Variants in ZMYND11 observed in about 807,000 individuals in gnomAD.
ZMYND11 encodes the protein zinc finger MYND domain-containing protein 11.
Under a neutral mutation model 84.9 loss-of-function variants are expected in ZMYND11, and 9 were observed. The observed-to-expected ratio is 0.11, with a 90% CI of 0.06 to 0.18. The LOEUF is 0.18. ZMYND11 is among the 10% of genes least tolerant of loss of function. The probability of loss-of-function intolerance (pLI) is 1.00; values close to 1 mark genes in which losing one functional copy is unlikely to be tolerated. For synonymous variants in ZMYND11, 250 were observed against 244.1 expected, an observed-to-expected ratio of 1.02 and a Z score of -0.23; for missense variants, 409 against 761.0, an observed-to-expected ratio of 0.54 and a Z score of 5.44.
intron 1 of ZMYND11, among the ~76,000 whole-genome samples, chr10:157,433 C>G (rs1841977199): frequency 6.6e-6 from 1 of 152,144 alleles, no homozygotes. Context: ...CTCCTGACCT[C>G]AAGTGATCCA....
At chr10:188,394 C>T (rs1939343167) in intron 2 of ZMYND11, among the ~76,000 whole-genome samples, 1 of 151,492 alleles carries the variant, frequency 6.6e-6, no homozygotes, top group Admixed American at 6.6e-5. Context: ...TCAAAACCAG[C>T]CTGGGCAACA....
In ZMYND11 at chr10:240,127, C is replaced by T. The variant is rs919178941; in HGVS notation, c.753+16C>T. On this transcript the variant is annotated intron_variant, in intron 8 of 14. Coordinates refer to ENST00000381604, the MANE Select transcript of ZMYND11 (RefSeq NM_001370100.5). ...ATGTCATGAGGTACTATTCATTGCCCAATAGTTATACTCTTTCTATAACTG... is the reference window on the plus strand; with the variant it reads ...ATGTCATGAGGTACTATTCATTGCCTAATAGTTATACTCTTTCTATAACTG... 6.3e-7 allele frequency: 1 copy of T among 1,578,848 alleles called. No homozygotes were observed. The highest frequency in any genetic ancestry group is 8.6e-7 in the Non-Finnish European group (1 of 1,156,346).
chr10:179,191 G>A (rs185475915), intron 1 of ZMYND11, among the ~76,000 whole-genome samples: 83 of 152,296 alleles, frequency 5.4e-4, no homozygotes, highest in African/African-American at 2.0e-3. Context: ...TCCATGCTGA[G>A]TTAAGAGAAT....
chr10:152,214 A>AAT (rs1447169546), intron 1 of ZMYND11, among the ~76,000 whole-genome samples: 3 of 152,236 alleles, frequency 2.0e-5, no homozygotes, highest in African/African-American at 7.2e-5. Context: ...CACTCCTAAC[A>AAT]ATATGAACTT....
chr10:227,102 A>G (rs771797726), intron 4 of ZMYND11, among the ~76,000 whole-genome samples: 3 of 152,236 alleles, frequency 2.0e-5, no homozygotes, highest in Non-Finnish European at 4.4e-5. Context: ...ATGAGGAAAT[A>G]AAGAAGAATC....
intron 2 of ZMYND11, among the ~76,000 whole-genome samples, chr10:182,228 G>T (rs1042831991): frequency 1.3e-5 from 2 of 152,150 alleles, no homozygotes; most frequent in African/African-American, 2.4e-5. Flanking sequence ...GTAATGGGTG[G>T]CAGATACCTG....
intron 1 of ZMYND11, among the ~76,000 whole-genome samples, chr10:142,830 A>G (rs577274686): frequency 1.2e-4 from 19 of 152,326 alleles, no homozygotes; most frequent in Admixed American, 3.3e-4. Flanking sequence ...GTTAATGCCA[A>G]CTCACCGGTA....
intron 2 of ZMYND11, among the ~76,000 whole-genome samples, chr10:207,705 A>G (rs1486297179): frequency 6.6e-6 from 1 of 152,218 alleles, no homozygotes; most frequent in Non-Finnish European, 1.5e-5. Flanking sequence ...CAATATCGTG[A>G]AAATGGCCAT....
chr10:185,829 C>A (rs11250765), intron 2 of ZMYND11, among the ~76,000 whole-genome samples: 265 of 109,134 alleles, frequency 2.4e-3, no homozygotes, highest in Middle Eastern at 8.8e-3. Flanking sequence ...AACAAAAAAA[C>A]AAAAAAACAA....
intron 1 of ZMYND11, among the ~76,000 whole-genome samples, chr10:165,313 C>T (rs1386852994): frequency 6.6e-6 from 1 of 152,100 alleles, no homozygotes; most frequent in Non-Finnish European, 1.5e-5. Flanking sequence ...GACAGCTCTC[C>T]TAGATTTGCT....
intron 1 of ZMYND11, among the ~76,000 whole-genome samples, chr10:154,403 A>C (rs548856576): frequency 6.6e-6 from 1 of 152,336 alleles, no homozygotes; most frequent in African/African-American, 2.4e-5. Context: ...AAATCACAAC[A>C]AAAAGCAGAA....
chr10:136,509 C>T (rs1463229688), intron 1 of ZMYND11, among the ~76,000 whole-genome samples: 2 of 152,098 alleles, frequency 1.3e-5, no homozygotes, highest in Non-Finnish European at 2.9e-5. Flanking sequence ...GGCTATCATA[C>T]ACGGTGTGTA....
intron 6 of ZMYND11, among the ~76,000 whole-genome samples, chr10:239,047 T>C (rs550187365): frequency 5.6e-4 from 86 of 152,340 alleles, no homozygotes; most frequent in African/African-American, 1.9e-3. Context: ...GTTTTCAATC[T>C]CGATCCTCCT....
intron 14 of ZMYND11, chr10:249,529 ATCAGT>A: frequency 1.0e-6 from 1 of 985,058 alleles, no homozygotes; most frequent in Non-Finnish European, 1.2e-6. Flanking sequence ...TGTTAAAGAA[ATCAGT>A]TACTTTTACT....
In ZMYND11 at chr10:180,130, T is replaced by C; in HGVS notation, c.116+2T>C. On this transcript the variant is annotated splice_donor_variant, in intron 2 of 14. Coordinates refer to ENST00000381604, the MANE Select transcript of ZMYND11 (RefSeq NM_001370100.5). LOFTEE classifies it high-confidence loss of function. ...TGCCAACATTGACCGTATTACAAAGTAAGTAAATTTAAACACAAATATCTC... is the reference window on the plus strand; with the variant it reads ...TGCCAACATTGACCGTATTACAAAGCAAGTAAATTTAAACACAAATATCTC... 1.9e-6 allele frequency: 3 copies of C among 1,604,740 alleles called. No individual in the cohort carries two copies. The highest frequency in any genetic ancestry group is 8.5e-7 in the Non-Finnish European group (1 of 1,174,152).
At chr10:187,378 TA>T (rs1938922185) in intron 2 of ZMYND11, among the ~76,000 whole-genome samples, 1 of 152,242 alleles carries the variant, frequency 6.6e-6, no homozygotes. Context: ...CTCACGCCTG[TA>T]ATCTCAGCAC....
chr10:142,523 G>C (rs1837730272), intron 1 of ZMYND11, among the ~76,000 whole-genome samples: 1 of 152,094 alleles, frequency 6.6e-6, no homozygotes, highest in African/African-American at 2.4e-5. Context: ...GACTTAGAAG[G>C]GTTAAGTTAC....
At chr10:230,471 T>G (rs532638005) in intron 4 of ZMYND11, among the ~76,000 whole-genome samples, 1 of 27,698 alleles carries the variant, frequency 3.6e-5, no homozygotes, top group Non-Finnish European at 5.9e-5. Flanking sequence ...AGACTCAGTC[T>G]CAAAAAAAAA....
intron 2 of ZMYND11, among the ~76,000 whole-genome samples, chr10:201,990 G>A (rs1943272567): frequency 6.6e-6 from 1 of 152,110 alleles, no homozygotes; most frequent in Non-Finnish European, 1.5e-5. Flanking sequence ...TATAGATTAA[G>A]CAGTTATAAG....
Sources: allele counts gnomAD v4.1 joint callset (sites outside exome capture counted in the v4.1 genomes callset), GRCh38; gene constraint gnomAD v4.1.1; transcripts MANE v1.5; gene names NCBI Gene and HGNC (gene_info 2026-07-23, HGNC 2026-07-21).